The following ZNF423 variants were observed in gnomAD, a reference collection of about 807,000 sequenced individuals.
The protein encoded by ZNF423 is zinc finger protein 423, also known as Ebf-associated zinc finger protein.
Under a neutral mutation model 95.8 loss-of-function variants are expected in ZNF423, and 12 were observed. The observed-to-expected ratio is 0.13, with a 90% CI of 0.08 to 0.20. ZNF423 has a LOEUF of 0.20. Ranked by LOEUF, ZNF423 falls within the 10% of genes least tolerant of loss-of-function variation. The pLI is 1.00. For synonymous variants in ZNF423, 749 were observed against 711.9 expected, an observed-to-expected ratio of 1.05 and a Z score of -0.83; for missense variants, 1,316 against 1,737.1, an observed-to-expected ratio of 0.76 and a Z score of 4.31.
chr16:49,855,508 C>CGCTCCG lies in ZNF423; in HGVS notation c.40+226_40+227insCGGAGC, dbSNP rs1555490824. 2.0e-5 allele frequency among the ~76,000 whole-genome samples: 2 copies of CGCTCCG among 100,426 alleles called. No individual in the cohort carries two copies. The highest frequency in any genetic ancestry group is 9.2e-5 in the African/African-American group (2 of 21,758). The allele number at this position is 100,426 out of a possible 152,430, so 65.9% of individuals were successfully genotyped here. A position where few individuals can be genotyped will look rare whatever the true frequency, so the allele number is the denominator to read the frequency against. ...GCAGGGAGGGTGTCCGCGGCGTACC[C>CGCTCCG]CCTCCGCCGCCGCCGCCGCCGCCGC... On this transcript the variant is annotated intron_variant, in intron 1 of 7. Transcript: ENST00000563137. This position sits in a 1 kb window ranked among gnomAD's most constrained non-coding sequence, Gnocchi z 4.7.
intron 5 of ZNF423, among the ~76,000 whole-genome samples, chr16:49,606,324 G>C (rs1330993102): frequency 6.6e-6 from 1 of 152,110 alleles, no homozygotes; most frequent in African/African-American, 2.4e-5. Context: ...GCTGGACCTA[G>C]AGAAGCCAGC....
intron 3 of ZNF423, among the ~76,000 whole-genome samples, chr16:49,670,414 G>GC (rs1292278315): frequency 6.6e-6 from 1 of 152,228 alleles, no homozygotes. Flanking sequence ...TGGTCCCAAG[G>GC]CCTCAGACCC....
intron 5 of ZNF423, among the ~76,000 whole-genome samples, chr16:49,555,651 GTAGA>G (rs1298029148): frequency 6.6e-6 from 1 of 152,206 alleles, no homozygotes; most frequent in Non-Finnish European, 1.5e-5. Context: ...TGGTGGATGG[GTAGA>G]TGGACATCTG....
chr16:49,517,771 C>T, intron 7 of ZNF423: 1 of 323,214 alleles, frequency 3.1e-6, no homozygotes, highest in South Asian at 2.5e-5. Flanking sequence ...ATCACTTGGG[C>T]TACTTTAACT....
At chr16:49,772,245 C>T (rs1278812283) in intron 2 of ZNF423, among the ~76,000 whole-genome samples, 1 of 152,236 alleles carries the variant, frequency 6.6e-6, no homozygotes, top group African/African-American at 2.4e-5. Context: ...CCAGCTCAAA[C>T]AAAGAGAACA....
At position 49,603,225 on chromosome 16, in the gene ZNF423, A is replaced by C. The variant is rs1473154925; in HGVS notation, c.3601+22945T>G. ...GACCACAATGTAAATGGTGTCCCCT[A>C]GAGTTGTGCAGTAGACAACCTGCAC... On this transcript the variant is annotated intron_variant, in intron 5 of 7. Transcript: ENST00000563137. This position sits in a 1 kb window ranked among gnomAD's most constrained non-coding sequence, Gnocchi z 4.1. Among the ~76,000 whole-genome samples, 1 of 152,178 alleles carries C rather than the reference A, an allele frequency of 6.6e-6. No individual in the cohort carries two copies. Among genetic ancestry groups the C allele is most frequent in the African/African-American group, 2.4e-5 (1 of 41,452 alleles).
chr16:49,709,183 T>TATATATATATATATATATATAA lies in ZNF423; in HGVS notation c.301+21587_301+21588insTTATATATATATATATATATAT, dbSNP rs58833331. ...CAGCAGCCGTTTATATATATATATA[T>TATATATATATATATATATATAA]GAAAACGGAGCTTCGGAGCCCTGGG... On this transcript the variant is annotated intron_variant, in intron 3 of 7. Transcript: ENST00000563137. Among the ~76,000 whole-genome samples the TATATATATATATATATATATAA allele has an allele frequency of 2.0e-3, 284 of 145,342 alleles. 4 individuals are homozygous for TATATATATATATATATATATAA. The highest frequency in any genetic ancestry group is 6.8e-3 in the African/African-American group (258 of 38,050).
chr16:49,654,685 T>C (rs1485483120), intron 3 of ZNF423, among the ~76,000 whole-genome samples: 1 of 152,222 alleles, frequency 6.6e-6, no homozygotes, highest in African/African-American at 2.4e-5. Flanking sequence ...CCGTGATCAT[T>C]TTAGGGCGCA....
chr16:49,525,755 C>T (rs1422439541), intron 5 of ZNF423, among the ~76,000 whole-genome samples: 2 of 152,156 alleles, frequency 1.3e-5, no homozygotes, highest in Non-Finnish European at 1.5e-5. Flanking sequence ...GATCAAGCAG[C>T]CAGGTGTGCA....
intron 5 of ZNF423, among the ~76,000 whole-genome samples, chr16:49,537,771 G>C (rs1271175483): frequency 6.6e-6 from 1 of 152,124 alleles, no homozygotes; most frequent in Non-Finnish European, 1.5e-5. Context: ...CCAGTGCTCG[G>C]CCTTTCTCTC....
chr16:49,561,196 T>A (rs1970006229), intron 5 of ZNF423, among the ~76,000 whole-genome samples: 1 of 152,214 alleles, frequency 6.6e-6, no homozygotes, highest in East Asian at 1.9e-4. Context: ...AACTCCAGAT[T>A]CAGCGAAATG....
chr16:49,853,944 G>C (rs1379080292), intron 1 of ZNF423: 1 of 985,306 alleles, frequency 1.0e-6, no homozygotes. Context: ...TTTCCAACCA[G>C]AAATTCCAAT....
chr16:49,563,119 G>C (rs1970072054), intron 5 of ZNF423, among the ~76,000 whole-genome samples: 1 of 152,186 alleles, frequency 6.6e-6, no homozygotes, highest in Non-Finnish European at 1.5e-5. Flanking sequence ...ACTATAGTTT[G>C]GATGTTTGAC....
intron 1 of ZNF423, among the ~76,000 whole-genome samples, chr16:49,811,414 G>A (rs1408485941): frequency 6.6e-6 from 1 of 152,090 alleles, no homozygotes; most frequent in Non-Finnish European, 1.5e-5. Context: ...GGAGACAATG[G>A]CACCACTCTA....
intron 1 of ZNF423, among the ~76,000 whole-genome samples, chr16:49,809,561 A>T (rs2143950245): frequency 6.6e-6 from 1 of 152,090 alleles, no homozygotes; most frequent in African/African-American, 2.4e-5. Context: ...CGAGAGGGGG[A>T]CTTTGGGGAA....
chr16:49,575,750 C>T (rs544593800), intron 5 of ZNF423, among the ~76,000 whole-genome samples: 64 of 152,314 alleles, frequency 4.2e-4, no homozygotes, highest in African/African-American at 1.4e-3. Flanking sequence ...TGCAAATCAC[C>T]TGGAGCTCTT....
At chr16:49,672,637 C>T (rs1596828861) in intron 3 of ZNF423, among the ~76,000 whole-genome samples, 2 of 151,962 alleles carry the variant, frequency 1.3e-5, no homozygotes, top group Admixed American at 1.3e-4. Context: ...GCCAACATGG[C>T]GAAACCTGTC....
chr16:49,831,131 G>A (rs1049312697), intron 1 of ZNF423, among the ~76,000 whole-genome samples: 6 of 152,128 alleles, frequency 3.9e-5, no homozygotes, highest in Admixed American at 1.3e-4. Context: ...CCAGAGCAGT[G>A]ACATGGTCAA....
At chr16:49,758,762 CA>C (rs1181207777) in intron 2 of ZNF423, among the ~76,000 whole-genome samples, 1 of 151,270 alleles carries the variant, frequency 6.6e-6, no homozygotes, top group African/African-American at 2.4e-5. Context: ...ATCATCACTA[CA>C]AAAAAAAATT....
Sources: allele counts gnomAD v4.1 joint callset (sites outside exome capture counted in the v4.1 genomes callset), GRCh38; gene constraint gnomAD v4.1.1; non-coding constraint Gnocchi (gnomAD v3.1); transcripts MANE v1.5; gene names NCBI Gene and HGNC (gene_info 2026-07-23, HGNC 2026-07-21).